Variants in SLC45A3 observed in about 807,000 individuals in gnomAD.
The protein encoded by SLC45A3 is prostate cancer associated protein 2.
SLC45A3 carries 17 observed loss-of-function variants against 35.3 expected under a neutral mutation model. The ratio of observed to expected loss-of-function variants is 0.48; its 90% CI spans 0.33 to 0.72. The LOEUF (loss-of-function observed/expected upper bound fraction) is 0.72. Among genes scored for constraint, SLC45A3 ranks in the 30% least tolerant of loss-of-function variants. SLC45A3 has a pLI of 0.02. For missense variants in SLC45A3, 597 were observed against 731.7 expected (o/e 0.82, Z 2.12); for synonymous variants, 288 against 334.3 (o/e 0.86, Z 1.51).
Position 205,669,167 on chromosome 1 carries a change from G to C in SLC45A3, c.-230-4281C>G, listed in dbSNP as rs1033449850. On this transcript the variant is annotated intron_variant, in intron 1 of 4. Transcript: ENST00000367145. The surrounding 1 kb of genome is among the most constrained non-coding windows in gnomAD (Gnocchi z 4.1). ...TCGCCACACACCGAGGACTTTGCAG[G>C]CCCAACTCCAGAGGGAGCAGCTCCT... is the stretch of plus-strand genomic sequence containing the variant. Among the ~76,000 whole-genome samples the C allele has an allele frequency of 3.9e-5, 6 of 152,190 alleles. 1 individual carries two copies. Among genetic ancestry groups the C allele is most frequent in the Admixed American group, 6.5e-5 (1 of 15,286 alleles).
At chr1:205,675,197 C>T (rs1286532354) in intron 1 of SLC45A3, among the ~76,000 whole-genome samples, 1 of 152,202 alleles carries the variant, frequency 6.6e-6, no homozygotes, top group Non-Finnish European at 1.5e-5. Flanking sequence ...GGTAGGACCC[C>T]TCTGCAATGA....
chr1:205,658,646 G>T lies in SLC45A3; in HGVS notation c.*588C>A, dbSNP rs542858414. ...GCCACATCCTGATAAAAGGTAAGAG[G>T]GGGGTGGATCAGCAAAAAGACAGTG... On this transcript the variant is annotated 3_prime_UTR_variant, in exon 5 of 5. Transcript: ENST00000367145. The T allele has an allele frequency of 1.3e-5, 3 of 233,680 alleles. No homozygotes were observed. The highest frequency in any genetic ancestry group is 6.0e-5 in the East Asian group (1 of 16,570). 14.5% of individuals were successfully genotyped at this position (233,680 alleles called of 1,614,324 possible).
chr1:205,663,623 AAGAAGGGAAGT>A lies in SLC45A3; in HGVS notation c.173-16_173-6del. The A allele has an allele frequency of 6.4e-7, 1 of 1,559,858 alleles. No homozygotes were observed. The highest frequency in any genetic ancestry group is 8.6e-7 in the Non-Finnish European group (1 of 1,156,502). ...GGCCCAGCACTGGACCAATGCCTGCAAGAAGGGAAGTAGTATGAGTCAATGGCTGGGACAAG... is the reference window on the plus strand; with the variant it reads ...GGCCCAGCACTGGACCAATGCCTGCAAGTATGAGTCAATGGCTGGGACAAG... On this transcript the variant is annotated splice_polypyrimidine_tract_variant and splice_region_variant and intron_variant, in intron 2 of 4. Coordinates refer to ENST00000367145, the MANE Select transcript of SLC45A3 (RefSeq NM_033102.3).
At chr1:205,661,380 A>AG (rs1328214376) in intron 4 of SLC45A3, among the ~76,000 whole-genome samples, 2 of 152,156 alleles carry the variant, frequency 1.3e-5, no homozygotes, top group African/African-American at 4.8e-5. Context: ...CCAGAAAGAA[A>AG]GGGGGTAGGA....
intron 1 of SLC45A3, among the ~76,000 whole-genome samples, chr1:205,673,403 A>G (rs1671249668): frequency 1.3e-5 from 2 of 152,218 alleles, no homozygotes; most frequent in African/African-American, 4.8e-5. Flanking sequence ...CACTGAAAAG[A>G]GAAGCCTAAA....
chr1:205,675,019 G>GT (rs1671288437), intron 1 of SLC45A3, among the ~76,000 whole-genome samples: 1 of 152,208 alleles, frequency 6.6e-6, no homozygotes, highest in Admixed American at 6.5e-5. Flanking sequence ...CCCAGCCTAA[G>GT]TATCCATTTT....
At chr1:205,660,865 C>G (rs1671010114) in intron 4 of SLC45A3, among the ~76,000 whole-genome samples, 1 of 152,162 alleles carries the variant, frequency 6.6e-6, no homozygotes, top group African/African-American at 2.4e-5. Flanking sequence ...AGGGACCAGG[C>G]TCCCCCAACC....
intron 2 of SLC45A3, 135 bp from the exon 3 acceptor site, chr1:205,663,753 T>C: frequency 4.4e-6 from 4 of 918,048 alleles, no homozygotes; most frequent in Non-Finnish European, 6.4e-6. Flanking sequence ...AGGGATGCTG[T>C]AATTTACTCC....
Position 205,659,188 on chromosome 1 carries a change from G to A in SLC45A3, c.*46C>T. 1.9e-6 allele frequency: 3 copies of A among 1,553,528 alleles called. No individual in the cohort carries two copies. The highest frequency in any genetic ancestry group is 1.7e-6 in the Non-Finnish European group (2 of 1,145,482). ...ATGGGGCTAACAGGAGCGGGGAGCT[G>A]GGACCCAGTGAGGCAGGCCCTCCAC... is the stretch of plus-strand genomic sequence containing the variant. On this transcript the variant is annotated 3_prime_UTR_variant, in exon 5 of 5. Transcript: ENST00000367145. This position sits in a 1 kb window ranked among gnomAD's most constrained non-coding sequence, Gnocchi z 5.8.
intron 1 of SLC45A3, among the ~76,000 whole-genome samples, chr1:205,670,655 G>A (rs970211511): frequency 1.3e-5 from 2 of 152,226 alleles, no homozygotes; most frequent in African/African-American, 4.8e-5. Context: ...GAAGCCTTCT[G>A]CTTAGCAGCT....
In SLC45A3 at chr1:205,663,314, C is replaced by T. The variant is rs912558398; in HGVS notation, c.477G>A (p.Gln159=). The T allele has an allele frequency of 1.2e-6, 2 of 1,613,438 alleles. No homozygotes were observed. The highest frequency in any genetic ancestry group is 2.7e-5 in the African/African-American group (2 of 75,072). The change falls in exon 3 of 5, where the codon CAG becomes CAA. Residue 159 remains glutamine (Q), a synonymous_variant. Coordinates refer to ENST00000367145, the MANE Select transcript of SLC45A3 (RefSeq NM_033102.3). ...TCATGAAGGCATAGACAGAGTAGGC[C>T]TGGCGACAGTGGTCCGGGTCCCGGA... ...DLFRDPDHCR[Q]AYSVYAFMIS... is the part of the protein sequence containing the mutation.
rs559856235 is a variant in SLC45A3, at chr1:205,662,689, C to G, written c.958+144G>C. On this transcript the variant is annotated intron_variant, in intron 3 of 4. Coordinates refer to ENST00000367145, the MANE Select transcript of SLC45A3 (RefSeq NM_033102.3). The surrounding 1 kb of genome is among the most constrained non-coding windows in gnomAD (Gnocchi z 6.2). ...GAGATGTTCCACACCCATGAGAAGCCGTGTATGCAGATGGGGTCCATCCCC... is the reference window on the plus strand; with the variant it reads ...GAGATGTTCCACACCCATGAGAAGCGGTGTATGCAGATGGGGTCCATCCCC... 2.1e-6 allele frequency: 3 copies of G among 1,435,998 alleles called. No homozygotes were observed. In the East Asian group the frequency reaches 7.4e-5, roughly 35 times the overall value. 89.0% of individuals were successfully genotyped at this position (1,435,998 alleles called of 1,614,324 possible).
At chr1:205,678,890 T>A (rs1671354085) in intron 1 of SLC45A3, among the ~76,000 whole-genome samples, 1 of 152,164 alleles carries the variant, frequency 6.6e-6, no homozygotes, top group Non-Finnish European at 1.5e-5. Context: ...CCCTACAATA[T>A]GCTGCTCTAT....
In SLC45A3 at chr1:205,662,585, C is replaced by A; in HGVS notation, c.958+248G>T. On this transcript the variant is annotated intron_variant, in intron 3 of 4. Transcript: ENST00000367145. The surrounding 1 kb of genome is among the most constrained non-coding windows in gnomAD (Gnocchi z 6.2). ...CCCTCTAGACTTTGAATAAGCTCCGCCTTTCCTTCTGTCAAACTGGGGCAA... is the reference window on the plus strand; with the variant it reads ...CCCTCTAGACTTTGAATAAGCTCCGACTTTCCTTCTGTCAAACTGGGGCAA... 2 of 1,332,220 alleles carry A rather than the reference C, an allele frequency of 1.5e-6. No homozygotes were observed. The highest frequency in any genetic ancestry group is 1.9e-6 in the Non-Finnish European group (2 of 1,045,900). The allele number at this position is 1,332,220 out of a possible 1,614,324, so 82.5% of individuals were successfully genotyped here. A position where few individuals can be genotyped will look rare whatever the true frequency, so the allele number is the denominator to read the frequency against.
Position 205,662,276 on chromosome 1 carries a change from C to A in SLC45A3, c.959-150G>T, listed in dbSNP as rs59990545. On this transcript the variant is annotated intron_variant, in intron 3 of 4. Transcript: ENST00000367145. The surrounding 1 kb of genome is among the most constrained non-coding windows in gnomAD (Gnocchi z 6.2). ...CCCAGCACCCTTCCCCTTTCTACCT[C>A]TAGCAATGGGAGTCTAGGTTCTTCC... 25,781 of 1,433,580 alleles carry A rather than the reference C, an allele frequency of 0.018. 476 individuals are homozygous for A. The highest frequency in any genetic ancestry group is 0.077 in the African/African-American group (5,369 of 69,800). 88.8% of individuals were successfully genotyped at this position (1,433,580 alleles called of 1,614,324 possible).
At chr1:205,673,149 C>G (rs548242529) in intron 1 of SLC45A3, among the ~76,000 whole-genome samples, 11 of 152,296 alleles carry the variant, frequency 7.2e-5, no homozygotes, top group Admixed American at 6.5e-4. Context: ...ACCAGGACAT[C>G]TGGGGGTAGA....
In SLC45A3 at chr1:205,678,442, T is replaced by C. The variant is rs969355784; in HGVS notation, c.-231+1952A>G. On this transcript the variant is annotated intron_variant, in intron 1 of 4. Transcript: ENST00000367145. The stretch of plus-strand genomic sequence containing the variant: ...TTACTTTGAATCTTCAGACCAGCCC[T>C]GCCCAGGCTGAGAGCTCCAGTCTGG... Among the ~76,000 whole-genome samples the C allele has an allele frequency of 2.0e-5, 3 of 152,140 alleles. No homozygotes were observed. In the Admixed American group the frequency reaches 2.0e-4, roughly 10 times the overall value.
intron 1 of SLC45A3, among the ~76,000 whole-genome samples, chr1:205,668,915 G>A (rs1033808666): frequency 1.3e-5 from 2 of 152,120 alleles, no homozygotes; most frequent in South Asian, 4.1e-4. Context: ...AACCCAGAGA[G>A]ACCAAGGGCC....
rs1671053658 is a variant in SLC45A3, at chr1:205,662,962, C to A, written c.829G>T (p.Ala277Ser). 1 of 1,613,496 alleles carries A rather than the reference C, an allele frequency of 6.2e-7. No individual in the cohort carries two copies. The highest frequency in any genetic ancestry group is 1.7e-5 in the Admixed American group (1 of 60,014). The change falls in exon 3 of 5, where the codon GCT becomes TCT. Residue 277 changes from alanine (A) to serine (S), a missense_variant. Physicochemically the swap from Ala to Ser is moderately conservative, Grantham distance 99. This residue lies in a region of SLC45A3 where 555 missense variants were observed against 664.9 expected (regional missense o/e 0.83). Transcript: ENST00000367145. The surrounding 1 kb of genome is among the most constrained non-coding windows in gnomAD (Gnocchi z 6.2). ...MPRTLRRLFV[A>S]ELCSWMALMT... ...AGTGCCATCCAGCTGCACAGCTCAGCCACGAAGAGCCGGCGCAGGGTGCGG... is the reference window on the plus strand; with the variant it reads ...AGTGCCATCCAGCTGCACAGCTCAGACACGAAGAGCCGGCGCAGGGTGCGG...
Sources: gnomAD v4.1 joint callset for allele counts (sites outside exome capture counted in the v4.1 genomes callset) on GRCh38, gnomAD v4.1.1 for gene constraint, gnomAD v4.1.1 regional missense constraint, Gnocchi (gnomAD v3.1) non-coding constraint, MANE v1.5 for transcripts, NCBI Gene and HGNC (gene_info 2026-07-23, HGNC 2026-07-21) for gene names.